The following TAB2 variants were observed in gnomAD, a reference collection of about 807,000 sequenced individuals.
TAB2 encodes TGF-beta-activated kinase 1 and MAP3K7-binding protein 2.
A neutral mutation model predicts 65.0 loss-of-function variants in TAB2; 3 were observed. The observed-to-expected ratio is 0.05, with a 90% CI of 0.02 to 0.12. TAB2 has a LOEUF of 0.12. Ranked by LOEUF, TAB2 falls within the 10% of genes least tolerant of loss-of-function variation. TAB2 has a pLI of 1.00. For missense variants in TAB2, 623 were observed against 840.3 expected (o/e 0.74, Z 3.20); for synonymous variants, 298 against 285.1 (o/e 1.05, Z -0.46).
At chr6:149,272,113 G>C (rs1480668256) in intron 1 of TAB2, among the ~76,000 whole-genome samples, 1 of 151,818 alleles carries the variant, frequency 6.6e-6, no homozygotes, top group Admixed American at 6.6e-5. Flanking sequence ...TAGGAGAAAG[G>C]GAAAAAAACA....
At chr6:149,293,067 A>T (rs900879808) in intron 1 of TAB2, among the ~76,000 whole-genome samples, 3 of 148,478 alleles carry the variant, frequency 2.0e-5, no homozygotes, top group Non-Finnish European at 3.0e-5. Flanking sequence ...ACCATGAGAG[A>T]ACTCCAGAAA....
chr6:149,261,549 C>A (rs570853732), intron 1 of TAB2, among the ~76,000 whole-genome samples: 2 of 152,118 alleles, frequency 1.3e-5, no homozygotes, highest in Non-Finnish European at 2.9e-5. Flanking sequence ...TGAAAGGGAG[C>A]AAAGTCTCCA....
chr6:149,223,930 A>G (rs544098941), intron 1 of TAB2, among the ~76,000 whole-genome samples: 1 of 152,314 alleles, frequency 6.6e-6, no homozygotes, highest in South Asian at 2.1e-4. Flanking sequence ...AGACTGTCAT[A>G]AATAACTTTA....
chr6:149,299,884 T>C (rs1169916735), intron 1 of TAB2, among the ~76,000 whole-genome samples: 3 of 151,938 alleles, frequency 2.0e-5, no homozygotes, highest in African/African-American at 7.3e-5. Flanking sequence ...GGTTCGTACC[T>C]GTAGCCCCAG....
chr6:149,379,862 T>C (rs1781551703), intron 3 of TAB2: 1 of 453,250 alleles, frequency 2.2e-6, no homozygotes, highest in East Asian at 7.1e-5. Context: ...TAAAAATTCC[T>C]AGAAATAACG....
chr6:149,288,509 A>G (rs887264986), intron 1 of TAB2, among the ~76,000 whole-genome samples: 1 of 152,326 alleles, frequency 6.6e-6, no homozygotes, highest in Admixed American at 6.5e-5. Context: ...CACTGCCACA[A>G]CATCAGGAAA....
At chr6:149,281,961 A>G (rs4897110) in intron 1 of TAB2, among the ~76,000 whole-genome samples, 87,518 of 152,076 alleles carry the variant, frequency 0.58, 28,074 homozygotes, top group African/African-American at 0.87. Flanking sequence ...ATGATCAATT[A>G]CATTTATGCA....
upstream of TAB2, among the ~76,000 whole-genome samples, chr6:149,317,280 C>G (rs536322220): frequency 6.6e-6 from 1 of 152,086 alleles, no homozygotes; most frequent in Non-Finnish European, 1.5e-5. The surrounding 1 kb of genome is among the most constrained non-coding windows in gnomAD (Gnocchi z 4.7). Context: ...CCCGGGCTGC[C>G]CGCACCGGCA....
intron 1 of TAB2, among the ~76,000 whole-genome samples, chr6:149,327,859 A>T (rs976684543): frequency 6.6e-5 from 10 of 152,220 alleles, no homozygotes; most frequent in Admixed American, 5.9e-4. Flanking sequence ...ATAAAAGTGC[A>T]TTGACACGTG....
chr6:149,357,430 A>AAAAAAAAC, intron 1 of TAB2, among the ~76,000 whole-genome samples: 17 of 111,182 alleles, frequency 1.5e-4, no homozygotes, highest in African/African-American at 4.8e-4. Context: ...AGAAAAAAAA[A>AAAAAAAAC]ACACACACAC....
intron 1 of TAB2, among the ~76,000 whole-genome samples, chr6:149,248,198 C>A (rs1049876984): frequency 6.6e-6 from 1 of 152,046 alleles, no homozygotes; most frequent in African/African-American, 2.4e-5. Flanking sequence ...TCAAAACCAA[C>A]CTAACCAACA....
Position 149,260,465 on chromosome 6 carries a change from C to T in TAB2, c.-121+41689C>T, listed in dbSNP as rs184965065. Among the ~76,000 whole-genome samples the T allele has an allele frequency of 5.9e-5, 9 of 152,330 alleles. No homozygotes were observed. In the East Asian group the frequency reaches 1.5e-3, roughly 26 times the overall value. On this transcript the variant is annotated intron_variant, in intron 1 of 1. Transcript: ENST00000606202. ...CTTCTGTCTGCTATCACTCCTTATA[C>T]GTATTGCTCCCTTCATGTCTCCGGA...
intron 1 of TAB2, among the ~76,000 whole-genome samples, chr6:149,325,795 A>G (rs62426068): frequency 0.23 from 35,632 of 152,104 alleles, 4,346 homozygotes; most frequent in Non-Finnish European, 0.26. Context: ...GCTGGAATGC[A>G]GTGGCACAAC....
At chr6:149,307,446 C>T (rs1276789251) in intron 1 of TAB2, among the ~76,000 whole-genome samples, 1 of 152,142 alleles carries the variant, frequency 6.6e-6, no homozygotes, top group African/African-American at 2.4e-5. Flanking sequence ...CACCACACCC[C>T]CACCCCTGCC....
At chr6:149,284,982 CA>C (rs1778644388) in intron 1 of TAB2, among the ~76,000 whole-genome samples, 1 of 152,152 alleles carries the variant, frequency 6.6e-6, no homozygotes, top group African/African-American at 2.4e-5. Flanking sequence ...CTGCAAGGAG[CA>C]GGAGAGCGCT....
intron 1 of TAB2, among the ~76,000 whole-genome samples, chr6:149,324,886 T>C: frequency 6.8e-6 from 1 of 147,214 alleles, no homozygotes; most frequent in Admixed American, 6.9e-5. Flanking sequence ...AATCTCAAAC[T>C]CCTGGGCACA....
At chr6:149,360,020 AAGTG>A (rs1662455718) in intron 1 of TAB2, among the ~76,000 whole-genome samples, 1 of 152,190 alleles carries the variant, frequency 6.6e-6, no homozygotes, top group African/African-American at 2.4e-5. Context: ...GTTTAGTTTA[AAGTG>A]AGATACCAGT....
upstream of TAB2, among the ~76,000 whole-genome samples, chr6:149,316,238 AT>A (rs1365688997): frequency 6.6e-6 from 1 of 152,208 alleles, no homozygotes; most frequent in Non-Finnish European, 1.5e-5. Context: ...AAATTCCGAT[AT>A]TGTAAATCAT....
intron 1 of TAB2, among the ~76,000 whole-genome samples, chr6:149,289,248 C>A (rs1171733458): frequency 6.6e-6 from 1 of 152,096 alleles, no homozygotes; most frequent in African/African-American, 2.4e-5. Context: ...CAAAATCAGG[C>A]AGAGTGCAGT....
Sources: allele counts gnomAD v4.1 joint callset (sites outside exome capture counted in the v4.1 genomes callset), GRCh38; gene constraint gnomAD v4.1.1; non-coding constraint Gnocchi (gnomAD v3.1); transcripts MANE v1.5; gene names NCBI Gene and HGNC (gene_info 2026-07-23, HGNC 2026-07-21).